Variants in RERE observed in about 807,000 individuals in gnomAD.
RERE encodes arginine-glutamic acid dipeptide repeats protein.
Under a neutral mutation model 146.1 loss-of-function variants are expected in RERE, and 40 were observed. The observed-to-expected ratio is 0.27, with a 90% CI of 0.21 to 0.36. The LOEUF is 0.36. RERE is among the 10% of genes least tolerant of loss of function. RERE has a pLI of 1.00. For synonymous variants in RERE, 1,003 were observed against 866.0 expected, an observed-to-expected ratio of 1.16 and a Z score of -2.78; for missense variants, 1,933 against 2,138.7, an observed-to-expected ratio of 0.90 and a Z score of 1.90.
intron 2 of RERE, among the ~76,000 whole-genome samples, chr1:8,655,401 T>A (rs1277568546): frequency 6.6e-6 from 1 of 151,878 alleles, no homozygotes; most frequent in Non-Finnish European, 1.5e-5. Context: ...GAGACAGGGT[T>A]TCATCATGTT....
chr1:8,358,422 C>T lies in RERE; in HGVS notation c.4113G>A (p.Leu1371=), dbSNP rs767726582. Reference sequence around the variant, plus strand: ...CCAGTCTCTCCCTCTCCAAGGGGTTCAGGCCCGGGTGGAAAGAAGCAAAAG... The same window carrying T: ...CCAGTCTCTCCCTCTCCAAGGGGTTTAGGCCCGGGTGGAAAGAAGCAAAAG... The part of the protein sequence containing the change: ...PHPFASFHPG[L]NPLERERLAL... Residue 1371 remains leucine (L), a synonymous_variant, in exon 20 of 23, where the codon CTG becomes CTA. Coordinates refer to ENST00000400908, the MANE Select transcript of RERE (RefSeq NM_001042681.2). 3 of 1,596,940 alleles carry T rather than the reference C, an allele frequency of 1.9e-6. No individual in the cohort carries two copies. The highest frequency in any genetic ancestry group is 3.4e-5 in the Admixed American group (2 of 59,304).
At chr1:8,477,355 G>T (rs1016294869) in intron 10 of RERE, among the ~76,000 whole-genome samples, 4 of 152,192 alleles carry the variant, frequency 2.6e-5, no homozygotes, top group Non-Finnish European at 4.4e-5. Context: ...GCACATTCGT[G>T]AACCTAGACT....
At position 8,790,031 on chromosome 1, in the gene RERE, G is replaced by GT. The variant is rs1225593614; in HGVS notation, c.-145+27128dup. Among the ~76,000 whole-genome samples the GT allele has an allele frequency of 2.6e-5, 4 of 152,320 alleles. No individual in the cohort carries two copies. In the East Asian group the frequency reaches 7.7e-4, roughly 29 times the overall value. ...CTCCTAAATTCTGAGGCCAAAGATA[G>GT]TAACTTTTATTTCTTTTGTATCCCA... On this transcript the variant is annotated intron_variant, in intron 1 of 22. Transcript: ENST00000400908.
chr1:8,512,269 A>G (rs999556163), intron 7 of RERE, among the ~76,000 whole-genome samples: 3 of 149,604 alleles, frequency 2.0e-5, no homozygotes, highest in Non-Finnish European at 4.5e-5. Flanking sequence ...TCCTGACCTC[A>G]TGATCCACCC....
chr1:8,763,780 A>G (rs1409287348), intron 1 of RERE, among the ~76,000 whole-genome samples: 1 of 152,070 alleles, frequency 6.6e-6, no homozygotes, highest in Non-Finnish European at 1.5e-5. Context: ...CTCTACTAAA[A>G]GTACAAAAAT....
At chr1:8,596,881 C>T (rs887076177) in intron 4 of RERE, among the ~76,000 whole-genome samples, 2 of 152,098 alleles carry the variant, frequency 1.3e-5, no homozygotes, top group Non-Finnish European at 2.9e-5. Flanking sequence ...TTGGAAACAG[C>T]GCTGCCACAA....
chr1:8,532,746 C>T (rs1188555735), intron 7 of RERE, among the ~76,000 whole-genome samples: 5 of 152,178 alleles, frequency 3.3e-5, no homozygotes, highest in African/African-American at 1.2e-4. Context: ...AGGTGCACGC[C>T]ACCCCACCTA....
intron 12 of RERE, chr1:8,381,035 G>C: frequency 2.2e-6 from 1 of 456,544 alleles, no homozygotes; most frequent in Non-Finnish European, 4.4e-6. Flanking sequence ...CACCTGGAAC[G>C]CCTTCTCCTG....
intron 1 of RERE, among the ~76,000 whole-genome samples, chr1:8,658,658 G>T (rs1381515150): frequency 3.3e-5 from 5 of 151,992 alleles, no homozygotes; most frequent in Non-Finnish European, 7.4e-5. Flanking sequence ...TCGGGAGGCT[G>T]AGTTAGGAGA....
At chr1:8,377,495 T>C (rs1367391218) in intron 12 of RERE, among the ~76,000 whole-genome samples, 2 of 152,214 alleles carry the variant, frequency 1.3e-5, no homozygotes, top group Non-Finnish European at 2.9e-5. Context: ...TTCATTTTAT[T>C]AGAGTTCAGA....
intron 7 of RERE, among the ~76,000 whole-genome samples, chr1:8,521,539 G>A (rs569425592): frequency 1.0e-3 from 156 of 152,258 alleles, no homozygotes; most frequent in South Asian, 7.7e-3. Flanking sequence ...ATCTACATGA[G>A]CTTGAGACTG....
At chr1:8,419,916 C>T (rs1452801579) in intron 12 of RERE, among the ~76,000 whole-genome samples, 1 of 152,186 alleles carries the variant, frequency 6.6e-6, no homozygotes, top group East Asian at 1.9e-4. Context: ...CAGAGAAACA[C>T]CATTTTACAG....
intron 1 of RERE, chr1:8,753,626 T>A (rs569357555): frequency 6.6e-6 from 1 of 152,236 alleles, no homozygotes; most frequent in African/African-American, 2.4e-5. Flanking sequence ...TGGCTCATTA[T>A]AACACTCAGT....
rs370191274 is a variant in RERE at position 8,363,200 on chromosome 1, T to C, written c.1741-356A>G. On this transcript the variant is annotated intron_variant, in intron 15 of 22. Coordinates refer to ENST00000400908, the MANE Select transcript of RERE (RefSeq NM_001042681.2). The stretch of plus-strand genomic sequence containing the variant: ...AAGCACCCTACACCCTTTCTGTTTA[T>C]TCCTCATAACCGTCCATTCTCCCAA... Among the ~76,000 whole-genome samples the C allele has an allele frequency of 3.4e-4, 52 of 152,364 alleles. No individual in the cohort carries two copies. The South Asian group carries it at 4.1e-3, about 12-fold the overall frequency.
chr1:8,485,348 C>T (rs1025791636), intron 10 of RERE, among the ~76,000 whole-genome samples: 4 of 151,864 alleles, frequency 2.6e-5, no homozygotes, highest in African/African-American at 9.7e-5. Context: ...GGAACAACAG[C>T]GAAACTCTGT....
chr1:8,552,469 T>G (rs976584938), intron 6 of RERE, among the ~76,000 whole-genome samples: 2 of 152,240 alleles, frequency 1.3e-5, no homozygotes, highest in African/African-American at 4.8e-5. Context: ...TTGATCCCTT[T>G]TCATGTGCCC....
At chr1:8,374,112 C>T (rs1416233844) in intron 12 of RERE, among the ~76,000 whole-genome samples, 1 of 152,182 alleles carries the variant, frequency 6.6e-6, no homozygotes, top group Middle Eastern at 3.2e-3. Flanking sequence ...CTCCTACGTT[C>T]AAGAGGCCGA....
chr1:8,444,812 C>T (rs1004050800), intron 11 of RERE, among the ~76,000 whole-genome samples: 5 of 151,932 alleles, frequency 3.3e-5, no homozygotes, highest in African/African-American at 4.8e-5. Flanking sequence ...CTTCAGCTTC[C>T]GCCATAAGTA....
intron 1 of RERE, among the ~76,000 whole-genome samples, chr1:8,672,503 T>C (rs184245392): frequency 1.3e-5 from 2 of 152,290 alleles, no homozygotes; most frequent in Admixed American, 6.5e-5. Context: ...GATCAAATTA[T>C]CAAATTCTGG....
Sources: allele counts gnomAD v4.1 joint callset (sites outside exome capture counted in the v4.1 genomes callset), GRCh38; gene constraint gnomAD v4.1.1; transcripts MANE v1.5; gene names NCBI Gene and HGNC (gene_info 2026-07-23, HGNC 2026-07-21).